PRKCH: variants seen among roughly 807,000 people sequenced by gnomAD.
The protein encoded by PRKCH is protein kinase C eta, also known as protein kinase C eta type.
In PRKCH, 28 loss-of-function variants were observed where a neutral mutation model predicts 82.5. The ratio of observed to expected loss-of-function variants is 0.34; its 90% CI spans 0.25 to 0.47. The LOEUF (loss-of-function observed/expected upper bound fraction) is 0.47, where lower values mean the gene tolerates loss of function less well. Among genes scored for constraint, PRKCH ranks in the 20% least tolerant of loss-of-function variants. The pLI, the probability that PRKCH is intolerant of heterozygous loss-of-function variation, is 1.00. For synonymous variants in PRKCH, 322 were observed against 327.4 expected, an observed-to-expected ratio of 0.98 and a Z score of 0.18; for missense variants, 705 against 881.8, an observed-to-expected ratio of 0.80 and a Z score of 2.54.
At chr14:61,435,758 G>C (rs1375067175) in intron 2 of PRKCH, among the ~76,000 whole-genome samples, 1 of 152,174 alleles carries the variant, frequency 6.6e-6, no homozygotes, top group African/African-American at 2.4e-5. Flanking sequence ...AGCTATAGCT[G>C]TATATTTGGG....
At chr14:61,547,925 C>A in intron 13 of PRKCH, 39 bp downstream of exon 13, 1 of 1,599,980 alleles carries the variant, frequency 6.3e-7, no homozygotes, top group Non-Finnish European at 8.5e-7. Context: ...TTCCTTTCTT[C>A]AGATGTCACA....
chr14:61,328,244 G>T (rs1056453993), intron 1 of PRKCH, among the ~76,000 whole-genome samples: 1 of 112,190 alleles, frequency 8.9e-6, no homozygotes, highest in Non-Finnish European at 1.7e-5. Flanking sequence ...GCAACAGAGC[G>T]AGACTCCGTC....
At position 61,533,339 on chromosome 14, in the gene PRKCH, T is replaced by G. The variant is rs533191202; in HGVS notation, c.1761+2744T>G. ...AGAGGATTTCTGGGATTTTTTTTTT[T>G]TTTTTGTGCATTTTACTCTCCATGC... On this transcript the variant is annotated intron_variant, in intron 12 of 13. Coordinates refer to ENST00000332981, the MANE Select transcript of PRKCH (RefSeq NM_006255.5). Among the ~76,000 whole-genome samples the G allele has an allele frequency of 5.0e-3, 761 of 151,658 alleles. 11 individuals carry two copies. The highest frequency in any genetic ancestry group is 0.017 in the African/African-American group (691 of 41,500).
chr14:61,315,655 C>T (rs561583467), intron 1 of PRKCH, among the ~76,000 whole-genome samples: 5 of 151,994 alleles, frequency 3.3e-5, no homozygotes, highest in Admixed American at 1.3e-4. Context: ...TTAATTTACC[C>T]GTGTTGCATT....
At position 61,453,312 on chromosome 14, in the gene PRKCH, G is replaced by T. The variant is rs200285035; in HGVS notation, c.919G>T (p.Ala307Ser). ...VNAVELAKTL[A>S]GMGLQPGNIS... is the part of the protein sequence containing the mutation. ...TGCGGTGGAACTTGCCAAGACCCTG[G>T]CAGGGATGGGTCTCCAACCCGGAAA... is the stretch of plus-strand genomic sequence containing the variant. The change falls in exon 7 of 14, where the codon GCA becomes TCA. Residue 307 changes from alanine (A) to serine (S), a missense_variant. This residue lies in a region of PRKCH where 238 missense variants were observed against 258.1 expected (regional missense o/e 0.92). Transcript: ENST00000332981. 1 of 1,614,052 alleles carries T rather than the reference G, an allele frequency of 6.2e-7. No individual in the cohort carries two copies. The highest frequency in any genetic ancestry group is 8.5e-7 in the Non-Finnish European group (1 of 1,179,948).
In PRKCH at chr14:61,445,596, A is replaced by G. The variant is rs1011254760; in HGVS notation, c.579-96A>G. ...CTTCTTCCCTGAAATTGTGTTTTTC[A>G]TAAAGGAGGAGAGGATGAAATTTGT... On this transcript the variant is annotated intron_variant, in intron 3 of 13. Coordinates refer to ENST00000332981, the MANE Select transcript of PRKCH (RefSeq NM_006255.5). 9 of 1,091,274 alleles carry G rather than the reference A, an allele frequency of 8.2e-6. No individual in the cohort carries two copies. The African/African-American group carries it at 1.3e-4, about 15-fold the overall frequency. The allele number at this position is 1,091,274 out of a possible 1,614,324, so 67.6% of individuals were successfully genotyped here.
chr14:61,327,619 ATTAT>A (rs1376924293), intron 1 of PRKCH, among the ~76,000 whole-genome samples: 1 of 152,002 alleles, frequency 6.6e-6, no homozygotes, highest in African/African-American at 2.4e-5. Flanking sequence ...TGGTCATATT[ATTAT>A]CTTGTTGTCT....
At chr14:61,510,429 G>T (rs1887327364) in intron 10 of PRKCH, among the ~76,000 whole-genome samples, 1 of 152,054 alleles carries the variant, frequency 6.6e-6, no homozygotes, top group Non-Finnish European at 1.5e-5. Context: ...AGGAAAAGAG[G>T]AGGGGGAGCG....
chr14:61,409,619 CA>C (rs1229614960), intron 2 of PRKCH, among the ~76,000 whole-genome samples: 1 of 148,930 alleles, frequency 6.7e-6, no homozygotes, highest in Non-Finnish European at 1.5e-5. Flanking sequence ...TGCCTGAACC[CA>C]GAGGTTTGAG....
At position 61,458,747 on chromosome 14, in the gene PRKCH, C is replaced by T. The variant is rs549706693; in HGVS notation, c.1278+1068C>T. On this transcript the variant is annotated intron_variant, in intron 9 of 13. Coordinates refer to ENST00000332981, the MANE Select transcript of PRKCH (RefSeq NM_006255.5). ...TGAAGGAGAAGCAAGCAGGGTTTCA[C>T]GTGACAGCAGGAGAGAGAGAGAGTG... Among the ~76,000 whole-genome samples, 5 of 152,188 alleles carry T rather than the reference C, an allele frequency of 3.3e-5. No homozygotes were observed. The South Asian group carries it at 6.2e-4, about 19-fold the overall frequency.
intron 1 of PRKCH, among the ~76,000 whole-genome samples, chr14:61,265,056 A>G (rs897446237): frequency 1.3e-5 from 2 of 152,196 alleles, no homozygotes; most frequent in African/African-American, 4.8e-5. Context: ...TTTAAAGGTT[A>G]GAAGTTGACA....
At position 61,372,693 on chromosome 14, in the gene PRKCH, T is replaced by G. The variant is rs148543458; in HGVS notation, c.364-18532T>G. Among the ~76,000 whole-genome samples the G allele has an allele frequency of 6.2e-4, 95 of 152,194 alleles. 2 individuals carry two copies. In the East Asian group the frequency reaches 7.5e-3, roughly 12 times the overall value. ...TTAAGCCAGCATCTTTTCCCTCACT[T>G]CTTTCAGTGAGGTTATTTCATGCAT... On this transcript the variant is annotated intron_variant, in intron 1 of 13. Coordinates refer to ENST00000332981, the MANE Select transcript of PRKCH (RefSeq NM_006255.5).
intron 1 of PRKCH, among the ~76,000 whole-genome samples, chr14:61,217,147 T>G (rs2044621782): frequency 6.6e-6 from 1 of 152,188 alleles, no homozygotes; most frequent in African/African-American, 2.4e-5. Context: ...CCCAACACTT[T>G]GGGAGATCGA....
At chr14:61,312,737 C>T (rs1433550202) in intron 1 of PRKCH, among the ~76,000 whole-genome samples, 2 of 152,092 alleles carry the variant, frequency 1.3e-5, no homozygotes, top group African/African-American at 4.8e-5. Context: ...TTCACCATCA[C>T]AAGAACAGCA....
At chr14:61,371,026 C>G (rs1207112170) in intron 1 of PRKCH, among the ~76,000 whole-genome samples, 1 of 152,032 alleles carries the variant, frequency 6.6e-6, no homozygotes, top group East Asian at 1.9e-4. Flanking sequence ...GCCTCTGGCT[C>G]TCTTTTCATC....
At chr14:61,300,399 C>G (rs890079530) in intron 1 of PRKCH, among the ~76,000 whole-genome samples, 2 of 152,140 alleles carry the variant, frequency 1.3e-5, no homozygotes, top group African/African-American at 4.8e-5. Context: ...TTATTGAGCA[C>G]CTGCTAAGCC....
intron 5 of PRKCH, among the ~76,000 whole-genome samples, chr14:61,449,856 GTCTCTCTCTCTCTCTC>G (rs149977373): frequency 0.017 from 2,446 of 142,220 alleles, 53 homozygotes; most frequent in African/African-American, 0.055. Context: ...CAGGGAAGAT[GTCTCTCTCTCTCTCTC>G]TCTCTCTCTC....
rs534709552 is a variant in PRKCH at position 61,415,204 on chromosome 14, A to G, written c.427+23916A>G. On this transcript the variant is annotated intron_variant, in intron 2 of 13. Transcript: ENST00000332981. ...CCCACCTACACATTTTGTCTTTCCT[A>G]CTAACTTAAAAGCAATTTGAAGTGT... 5.5e-4 allele frequency among the ~76,000 whole-genome samples: 83 copies of G among 152,204 alleles called. 1 individual carries two copies. The South Asian group carries it at 0.017, about 31-fold the overall frequency.
At chr14:61,206,819 G>A (rs903039679) in intron 1 of PRKCH, among the ~76,000 whole-genome samples, 3 of 150,050 alleles carry the variant, frequency 2.0e-5, no homozygotes, top group African/African-American at 7.5e-5. Context: ...AAAAAAAAAA[G>A]ATGTTGGTGG....
Sources: gnomAD v4.1 joint callset for allele counts (sites outside exome capture counted in the v4.1 genomes callset) on GRCh38, gnomAD v4.1.1 for gene constraint, gnomAD v4.1.1 regional missense constraint, MANE v1.5 for transcripts, NCBI Gene and HGNC (gene_info 2026-07-23, HGNC 2026-07-21) for gene names.